Variants in GBA1 observed in about 807,000 individuals in gnomAD.
GBA1 encodes the protein lysosomal acid glucosylceramidase.
At chr1:155,240,735 A>C in the GBA1 span, 1 of 1,605,848 alleles carries the variant, frequency 6.2e-7, no homozygotes. Flanking sequence ...CAGAATGAGG[A>C]ATGACTGAAA....
the GBA1 span, chr1:155,241,371 G>A: frequency 1.7e-6 from 1 of 587,208 alleles, no homozygotes; most frequent in Non-Finnish European, 3.1e-6. Flanking sequence ...CAGATTATAT[G>A]CCCTATAAAA....
chr1:155,236,460 C>G, the GBA1 span: 1 of 1,613,608 alleles, frequency 6.2e-7, no homozygotes, highest in East Asian at 2.2e-5. Flanking sequence ...GCTTCTGGGT[C>G]TGTCAGTACC....
the GBA1 span, among the ~76,000 whole-genome samples, chr1:155,239,313 T>C: frequency 6.6e-6 from 1 of 152,058 alleles, no homozygotes; most frequent in Non-Finnish European, 1.5e-5. Flanking sequence ...GTATATCATT[T>C]GAGGTCAGGA....
chr1:155,241,086 C>T, the GBA1 span: 3 of 1,613,548 alleles, frequency 1.9e-6, no homozygotes, highest in Non-Finnish European at 2.5e-6. Context: ...TCTCTCTTAC[C>T]TCTCTGGAAG....
chr1:155,238,882 A>C, the GBA1 span: 2 of 590,706 alleles, frequency 3.4e-6, no homozygotes, highest in Non-Finnish European at 5.9e-6. Flanking sequence ...AGGGCATTAA[A>C]ACAGGAACCA....
the GBA1 span, chr1:155,237,233 G>C: frequency 1.3e-6 from 2 of 1,576,516 alleles, no homozygotes; most frequent in Non-Finnish European, 1.7e-6. Context: ...GGGGAATGGT[G>C]CTCTAGGAAT....
the GBA1 span, chr1:155,235,616 G>T: frequency 6.7e-7 from 1 of 1,484,784 alleles, no homozygotes; most frequent in East Asian, 2.5e-5. Context: ...GTAGAGTGAT[G>T]TAAGCCATCC....
chr1:155,239,775 A>G, the GBA1 span: 1 of 1,614,036 alleles, frequency 6.2e-7, no homozygotes. Context: ...GAGGACATCC[A>G]CAGGGAATAA....
the GBA1 span, chr1:155,236,316 T>G: frequency 6.2e-7 from 1 of 1,614,152 alleles, no homozygotes; most frequent in Non-Finnish European, 8.5e-7. Context: ...TCCCAGAACT[T>G]GGAGCCCACA....
the GBA1 span, chr1:155,235,440 G>C: frequency 6.7e-7 from 1 of 1,496,402 alleles, no homozygotes; most frequent in Non-Finnish European, 9.1e-7. Context: ...TCTAGGCCTG[G>C]AGCCATGCTG....
At chr1:155,236,070 G>A in the GBA1 span, 4 of 745,224 alleles carry the variant, frequency 5.4e-6, no homozygotes, top group East Asian at 8.0e-5. Context: ...AAGGGGCAAT[G>A]AGGTGTGCAG....
the GBA1 span, chr1:155,238,273 G>A: frequency 6.2e-7 from 1 of 1,603,882 alleles, no homozygotes; most frequent in Non-Finnish European, 8.5e-7. Flanking sequence ...ACGGGACGCT[G>A]GGCCAACTGC....
chr1:155,235,932 G>A, the GBA1 span: 1 of 1,511,090 alleles, frequency 6.6e-7, no homozygotes, highest in South Asian at 1.1e-5. Context: ...GGGAGAGGCA[G>A]CTGTGGGTAG....
the GBA1 span, chr1:155,238,030 G>A: frequency 2.4e-6 from 3 of 1,246,384 alleles, no homozygotes; most frequent in South Asian, 3.7e-5. Context: ...GGTGAGCTGA[G>A]GACAGGCAGA....
At chr1:155,236,010 A>G in the GBA1 span, among the ~76,000 whole-genome samples, 1 of 152,086 alleles carries the variant, frequency 6.6e-6, no homozygotes, top group Non-Finnish European at 1.5e-5. Flanking sequence ...CAGGCATCTC[A>G]AGGGGAGCTG....
At chr1:155,235,714 T>C in the GBA1 span, 1 of 1,612,456 alleles carries the variant, frequency 6.2e-7, no homozygotes, top group Admixed American at 1.7e-5. Flanking sequence ...CATGGGCTGT[T>C]TGTAAAACGT....
At chr1:155,242,222 TTTG>T in the GBA1 span, among the ~76,000 whole-genome samples, 215 of 152,296 alleles carry the variant, frequency 1.4e-3, no homozygotes, top group Non-Finnish European at 2.5e-3. Context: ...GTTTGTATTT[TTTG>T]TTGTTGTTGT....
the GBA1 span, chr1:155,237,998 T>C: frequency 1.1e-6 from 1 of 949,454 alleles, no homozygotes; most frequent in Admixed American, 1.9e-5. Flanking sequence ...GGCCCAAGGC[T>C]GAAAGGCCCA....
chr1:155,244,493 T>G, the GBA1 span: 2 of 152,132 alleles, frequency 1.3e-5, no homozygotes, highest in Non-Finnish European at 2.9e-5. Context: ...GTCGAAATAT[T>G]CATTACGCCT....
Sources: allele counts gnomAD v4.1 joint callset (sites outside exome capture counted in the v4.1 genomes callset), GRCh38; gene constraint gnomAD v4.1.1; transcripts MANE v1.5; gene names NCBI Gene and HGNC (gene_info 2026-07-23, HGNC 2026-07-21).